DEPDC4: variants seen among roughly 807,000 people sequenced by gnomAD.
DEPDC4 encodes DEP domain-containing protein 4.
DEPDC4 carries 52 observed loss-of-function variants against 52.0 expected under a neutral mutation model. That is an observed-to-expected ratio of 1.00 (90% CI 0.80 to 1.26). The LOEUF (loss-of-function observed/expected upper bound fraction) is 1.26. DEPDC4 is among the 50% of genes most tolerant of loss of function. DEPDC4 has a pLI of 0.00. For missense variants in DEPDC4, 530 were observed against 546.9 expected (o/e 0.97, Z 0.31); for synonymous variants, 201 against 196.8 (o/e 1.02, Z -0.18).
Position 100,256,069 on chromosome 12 carries a change from A to G in DEPDC4, c.858T>C (p.Ile286=). The G allele has an allele frequency of 1.2e-6, 2 of 1,606,390 alleles. No individual in the cohort carries two copies. The highest frequency in any genetic ancestry group is 1.7e-6 in the Non-Finnish European group (2 of 1,176,558). ...ITNTCLDREL[I]PSLCLPEIDN... ...CTTACTCAGGTAGACATAAGCTTGGAATAAGTTCTCTGTCTAGGCAAGTGT... is the reference window on the plus strand; with the variant it reads ...CTTACTCAGGTAGACATAAGCTTGGGATAAGTTCTCTGTCTAGGCAAGTGT... The change falls in exon 4 of 10, where the codon ATT becomes ATC. Residue 286 remains isoleucine, a synonymous_variant. Coordinates refer to ENST00000550587, the MANE Select transcript of DEPDC4 (RefSeq NM_001364818.2).
In DEPDC4 at chr12:100,240,733, G is replaced by C. The variant is rs1229626176; in HGVS notation, c.*1159C>G. Among the ~76,000 whole-genome samples, 1 of 152,142 alleles carries C rather than the reference G, an allele frequency of 6.6e-6. No individual in the cohort carries two copies. The highest frequency in any genetic ancestry group is 1.5e-5 in the Non-Finnish European group (1 of 68,010). On this transcript the variant is annotated 3_prime_UTR_variant, in exon 10 of 10. Coordinates refer to ENST00000550587, the MANE Select transcript of DEPDC4 (RefSeq NM_001364818.2). ...GAGAAATCACAGTTTTGATGTTTAC[G>C]AATTTTTAATTTGTGGCCTTTTAAA...
intron 5 of DEPDC4, 70 bp downstream of exon 5, chr12:100,253,419 T>G (rs2096217240): frequency 1.1e-5 from 7 of 609,638 alleles, no homozygotes; most frequent in Non-Finnish European, 1.7e-5. Flanking sequence ...TACACAATTT[T>G]CTATTTCAAC....
In DEPDC4 at chr12:100,263,759, C is replaced by G. The variant is rs747354883; in HGVS notation, c.292G>C (p.Asp98His). 28 of 1,613,986 alleles carry G rather than the reference C, an allele frequency of 1.7e-5. No homozygotes were observed. The highest frequency in any genetic ancestry group is 2.2e-5 in the Non-Finnish European group (26 of 1,180,032). ...TGCATAAGATGACTTAAGACCACAT[C>G]GACAGCATCAGAACCAGTGAAACAG... ...KDCFTGSDAV[D>H]VVLSHLMQNT... Residue 98 changes from aspartate to histidine, a missense_variant, in exon 2 of 10, where the codon GAT becomes CAT. Transcript: ENST00000550587.
At chr12:100,238,230 G>A (rs2096145211), downstream of DEPDC4, 2 of 170,628 alleles carry the variant, frequency 1.2e-5, no homozygotes, top group Non-Finnish European at 2.3e-5. Context: ...GCTGGAGTGC[G>A]ATGGCACCAT....
Position 100,241,762 on chromosome 12 carries a change from G to A in DEPDC4, c.*130C>T, listed in dbSNP as rs1566308217. On this transcript the variant is annotated 3_prime_UTR_variant, in exon 10 of 10. Coordinates refer to ENST00000550587, the MANE Select transcript of DEPDC4 (RefSeq NM_001364818.2). The stretch of plus-strand genomic sequence containing the variant: ...ATGCTGGGGTTACTATTAATCTCAA[G>A]AGCCAACTGGTGTAGATACTGAATT... 2.4e-6 allele frequency: 3 copies of A among 1,276,292 alleles called. No individual in the cohort carries two copies. Among genetic ancestry groups the A allele is most frequent in the Non-Finnish European group, 3.1e-6 (3 of 982,680 alleles). The allele number at this position is 1,276,292 out of a possible 1,614,324, so 79.1% of individuals were successfully genotyped here. A position where few individuals can be genotyped will look rare whatever the true frequency, so the allele number is the denominator to read the frequency against.
chr12:100,260,313 G>C (rs2153920515), intron 3 of DEPDC4, among the ~76,000 whole-genome samples: 1 of 151,732 alleles, frequency 6.6e-6, no homozygotes. Context: ...TAGAGATGGG[G>C]TTTCATCATG....
At chr12:100,279,365 C>T in the DEPDC4 span, among the ~76,000 whole-genome samples, 1 of 152,336 alleles carries the variant, frequency 6.6e-6, no homozygotes, top group Middle Eastern at 3.4e-3. Flanking sequence ...GCCTACCGCT[C>T]ACCTCCTGCT....
chr12:100,252,070 C>T (rs1319246209), intron 7 of DEPDC4, 106 bp downstream of exon 7: 2 of 983,774 alleles, frequency 2.0e-6, no homozygotes. Context: ...TCAAACTTTG[C>T]ACATTATAGG....
chr12:100,244,124 TATATATATATAC>T, intron 8 of DEPDC4, among the ~76,000 whole-genome samples: 1 of 108,478 alleles, frequency 9.2e-6, no homozygotes, highest in Non-Finnish European at 1.8e-5. Context: ...TATATATATA[TATATATATATAC>T]ACAAAATACA....
intron 7 of DEPDC4, among the ~76,000 whole-genome samples, chr12:100,250,401 G>A (rs1289703520): frequency 2.0e-5 from 3 of 151,968 alleles, no homozygotes; most frequent in Non-Finnish European, 4.4e-5. Flanking sequence ...TGTATTTTTA[G>A]TAGAGACTGG....
downstream of DEPDC4, chr12:100,238,181 CT>C (rs752302093): frequency 0.066 from 19,221 of 292,434 alleles, no homozygotes; most frequent in Non-Finnish European, 0.086. Context: ...AATTGGGTTG[CT>C]TTTTTTTTTT....
chr12:100,262,633 A>G (rs1157699389), intron 2 of DEPDC4, among the ~76,000 whole-genome samples: 4 of 152,230 alleles, frequency 2.6e-5, no homozygotes, highest in Non-Finnish European at 5.9e-5. Flanking sequence ...GCTAATTCTA[A>G]GGTTAACATA....
At chr12:100,270,700 C>T (rs972224331), upstream of DEPDC4, among the ~76,000 whole-genome samples, 1 of 150,598 alleles carries the variant, frequency 6.6e-6, no homozygotes, top group African/African-American at 2.5e-5. Context: ...GTCTCGAACT[C>T]CTGAGCTCAA....
At chr12:100,263,415 T>C in intron 2 of DEPDC4, 82 bp downstream of exon 2, 1 of 1,180,886 alleles carries the variant, frequency 8.5e-7, no homozygotes. Flanking sequence ...CTGAAAAAAG[T>C]ACACATTCGA....
At position 100,252,176 on chromosome 12, in the gene DEPDC4, C is replaced by G; in HGVS notation, c.1374G>C (p.Lys458Asn). 1 of 1,205,488 alleles carries G rather than the reference C, an allele frequency of 8.3e-7. No homozygotes were observed. Among genetic ancestry groups the G allele is most frequent in the Admixed American group, 4.3e-5 (1 of 23,374 alleles). The allele number at this position is 1,205,488 out of a possible 1,614,324, so 74.7% of individuals were successfully genotyped here. Reference protein sequence around the residue: ...FPLEYHSELFKTPVTLLDLVS... With the variant: ...FPLEYHSELFNTPVTLLDLVS... ...TGCCCAGGCAAAATGCCAGAGATAC[C>G]TTGAAGAGCTCAGAGTGGTACTCCA... The change falls in exon 7 of 10, where the codon AAG becomes AAC. Residue 458 changes from lysine (K) to asparagine (N), a missense_variant and splice_region_variant. Transcript: ENST00000550587.
rs2096211972 is a variant in DEPDC4, at chr12:100,252,420, G to A, written c.1222C>T (p.Pro408Ser). Residue 408 changes from proline (P) to serine (S), a missense_variant, in exon 6 of 10, where the codon CCC becomes TCC. Coordinates refer to ENST00000550587, the MANE Select transcript of DEPDC4 (RefSeq NM_001364818.2). Reference sequence around the variant, plus strand: ...TGTTTTTGCAACTTGTAGGCATTGGGCTCTGATGCCATTGCCATAAAAGTA... The same window carrying A: ...TGTTTTTGCAACTTGTAGGCATTGGACTCTGATGCCATTGCCATAAAAGTA... ...LLTFMAMASEPNAYKLQKQYD... is the reference protein window; with the variant it reads ...LLTFMAMASESNAYKLQKQYD... 6.3e-7 allele frequency: 1 copy of A among 1,589,506 alleles called. No homozygotes were observed. The highest frequency in any genetic ancestry group is 1.7e-4 in the Middle Eastern group (1 of 6,034).
rs1186786881 is a variant in DEPDC4 at position 100,244,177 on chromosome 12, GGTTT to G, written c.1454-1612_1454-1609del. Among the ~76,000 whole-genome samples the G allele has an allele frequency of 7.0e-3, 919 of 130,762 alleles. 4 individuals carry two copies. The highest frequency in any genetic ancestry group is 0.013 in the African/African-American group (470 of 35,934). 85.8% of individuals were successfully genotyped at this position (130,762 alleles called of 152,430 possible). A position where few individuals can be genotyped will look rare whatever the true frequency, so the allele number is the denominator to read the frequency against. On this transcript the variant is annotated intron_variant, in intron 8 of 9. Coordinates refer to ENST00000550587, the MANE Select transcript of DEPDC4 (RefSeq NM_001364818.2). Reference sequence around the variant, plus strand: ...ATACAATTTTATTTTATGGTTTTTTGGTTTGTTTGTTTGTTTGTTTTGAGACAGA... The same window carrying G: ...ATACAATTTTATTTTATGGTTTTTTGGTTTGTTTGTTTGTTTTGAGACAGA...
chr12:100,273,583 C>G, the DEPDC4 span, among the ~76,000 whole-genome samples: 2 of 152,168 alleles, frequency 1.3e-5, no homozygotes, highest in South Asian at 2.1e-4. Context: ...TCAGTGTTGA[C>G]TCTGGATGAT....
intron 8 of DEPDC4, among the ~76,000 whole-genome samples, chr12:100,248,132 A>G (rs922835801): frequency 6.6e-6 from 1 of 152,156 alleles, no homozygotes; most frequent in Non-Finnish European, 1.5e-5. Context: ...GTGTCAGCTA[A>G]TGTCATATTC....
Sources: gnomAD v4.1 joint callset for allele counts (sites outside exome capture counted in the v4.1 genomes callset) on GRCh38, gnomAD v4.1.1 for gene constraint, MANE v1.5 for transcripts, NCBI Gene and HGNC (gene_info 2026-07-23, HGNC 2026-07-21) for gene names.